MTCL1: variants seen among roughly 807,000 people sequenced by gnomAD.
MTCL1 encodes microtubule crosslinking factor 1, also known as microtubule cross-linking factor 1.
In MTCL1, 79 loss-of-function variants were observed where a neutral mutation model predicts 141.4. The ratio of observed to expected loss-of-function variants is 0.56; its 90% CI spans 0.47 to 0.67. The LOEUF (loss-of-function observed/expected upper bound fraction) is 0.67. MTCL1 is among the 30% of genes least tolerant of loss of function. The probability of loss-of-function intolerance (pLI) is 0.00; values close to 1 mark genes in which losing one functional copy is unlikely to be tolerated. For missense variants in MTCL1, 2,177 were observed against 2,113.9 expected (o/e 1.03, Z -0.59); for synonymous variants, 914 against 875.8 (o/e 1.04, Z -0.77).
exon 6 of MTCL1, chr18:8,784,830 G>T: frequency 2.5e-6 from 4 of 1,596,046 alleles, no homozygotes; most frequent in Non-Finnish European, 3.4e-6. Flanking sequence ...AAGGAGCTGG[G>T]CCCAGACTTG....
At chr18:8,718,392 G>T (rs779200268) in intron 2 of MTCL1, 32 bp from the exon 2 acceptor site, 26 of 1,598,314 alleles carry the variant, frequency 1.6e-5, no homozygotes, top group Non-Finnish European at 2.1e-5. Flanking sequence ...GATGTACTTG[G>T]CTCATAAATC....
intron 4 of MTCL1, among the ~76,000 whole-genome samples, chr18:8,739,534 TCAA>T (rs1239635370): frequency 3.3e-5 from 5 of 152,184 alleles, no homozygotes; most frequent in Admixed American, 6.5e-5. Flanking sequence ...CTTTCAGAGA[TCAA>T]CAACAACATC....
intron 12 of MTCL1, among the ~76,000 whole-genome samples, chr18:8,816,367 G>A (rs2076654990): frequency 6.6e-6 from 1 of 152,164 alleles, no homozygotes; most frequent in Admixed American, 6.5e-5. Context: ...CTTCATACTT[G>A]TCCGCTGTCA....
chr18:8,719,021 T>C (rs959441699), intron 3 of MTCL1, among the ~76,000 whole-genome samples: 1 of 152,130 alleles, frequency 6.6e-6, no homozygotes, highest in African/African-American at 2.4e-5. Flanking sequence ...ATCATATCAC[T>C]TAACATTTTT....
intron 10 of MTCL1, among the ~76,000 whole-genome samples, chr18:8,802,867 A>G (rs2076168035): frequency 6.6e-6 from 1 of 152,180 alleles, no homozygotes; most frequent in Non-Finnish European, 1.5e-5. Context: ...TGTACAAGCT[A>G]AAAGGTTGCA....
At chr18:8,820,382 C>T (rs1055454263) in intron 13 of MTCL1, among the ~76,000 whole-genome samples, 2 of 151,986 alleles carry the variant, frequency 1.3e-5, no homozygotes, top group African/African-American at 4.8e-5. Flanking sequence ...TGCACTCCAG[C>T]CTGGGCGACA....
At chr18:8,744,161 C>T (rs2096321489) in intron 4 of MTCL1, among the ~76,000 whole-genome samples, 2 of 152,234 alleles carry the variant, frequency 1.3e-5, no homozygotes, top group Non-Finnish European at 2.9e-5. Context: ...AGAGCTGAGT[C>T]TCACAGCTGT....
chr18:8,734,528 A>G (rs147703697), intron 4 of MTCL1, among the ~76,000 whole-genome samples: 3 of 152,192 alleles, frequency 2.0e-5, no homozygotes, highest in Non-Finnish European at 2.9e-5. Context: ...GATGGGTAGA[A>G]GGTGATACCC....
At chr18:8,787,496 C>T (rs924383697) in intron 7 of MTCL1, among the ~76,000 whole-genome samples, 11 of 152,396 alleles carry the variant, frequency 7.2e-5, no homozygotes, top group African/African-American at 2.2e-4. Flanking sequence ...AGTAGTGGGA[C>T]GGCTCTGCAC....
At chr18:8,721,442 A>C (rs1294049507) in intron 4 of MTCL1, among the ~76,000 whole-genome samples, 2 of 140,552 alleles carry the variant, frequency 1.4e-5, no homozygotes, top group African/African-American at 4.9e-5. Flanking sequence ...AGGCCCACAG[A>C]TAACAAAACA....
chr18:8,812,912 C>G (rs1418386379), intron 11 of MTCL1, 67 bp from the exon 11 acceptor site: 2 of 1,547,362 alleles, frequency 1.3e-6, no homozygotes, highest in Non-Finnish European at 1.7e-6. Context: ...TGTAAATGTG[C>G]TGAGACTTCA....
intron 4 of MTCL1, among the ~76,000 whole-genome samples, chr18:8,769,539 A>G (rs993794483): frequency 1.3e-5 from 2 of 152,256 alleles, no homozygotes; most frequent in Non-Finnish European, 2.9e-5. Flanking sequence ...AAAGGTTAAA[A>G]TGAGCCAACC....
chr18:8,826,148 GA>G lies in MTCL1; in HGVS notation c.4639del (p.Arg1547GlyfsTer34). ...TGCTGGAACATGCCTTAAAGGAGGA[GA>G]GGAGGCAGGCTGCCCACGGGCCCCC... On this transcript the variant is annotated frameshift_variant, in exon 15 of 17. Coordinates refer to ENST00000359865, the Ensembl canonical transcript of MTCL1. LOFTEE classifies it high-confidence loss of function. The G allele has an allele frequency of 6.2e-7, 1 of 1,613,432 alleles. No homozygotes were observed. Among genetic ancestry groups the G allele is most frequent in the East Asian group, 2.2e-5 (1 of 44,864 alleles).
rs1194807338 is a variant in MTCL1 at position 8,746,391 on chromosome 18, ACT to A, written c.357+25898_357+25899del. ...TTCCAATTTCTCCACATCCTTGCCA[ACT>A]CTGGTTATTTTTTGTTCGGTTGTGA... On this transcript the variant is annotated intron_variant, in intron 4 of 16. Transcript: ENST00000359865. Among the ~76,000 whole-genome samples the A allele has an allele frequency of 2.6e-4, 40 of 152,194 alleles. 1 individual carries two copies. Among genetic ancestry groups the A allele is most frequent in the African/African-American group, 9.6e-4 (40 of 41,504 alleles).
chr18:8,779,835 T>C lies in MTCL1; in HGVS notation c.417+1943T>C, dbSNP rs2096526820. Among the ~76,000 whole-genome samples the C allele has an allele frequency of 1.3e-5, 2 of 152,176 alleles. No homozygotes were observed. The highest frequency in any genetic ancestry group is 2.9e-5 in the Non-Finnish European group (2 of 68,038). On this transcript the variant is annotated intron_variant, in intron 5 of 16. Coordinates refer to ENST00000359865, the Ensembl canonical transcript of MTCL1. This position sits in a 1 kb window ranked among gnomAD's most constrained non-coding sequence, Gnocchi z 4.1. The stretch of plus-strand genomic sequence containing the variant: ...GAAGACGTTTTGGACATTTTATCAA[T>C]CCTCAGGTAATCTACAAATTGACCC...
intron 4 of MTCL1, among the ~76,000 whole-genome samples, chr18:8,722,879 A>G (rs188731291): frequency 8.1e-4 from 123 of 152,354 alleles, no homozygotes; most frequent in African/African-American, 3.0e-3. Flanking sequence ...ATTCTGTTGC[A>G]TACATTTAAA....
chr18:8,754,799 T>C (rs189013391), intron 4 of MTCL1, among the ~76,000 whole-genome samples: 4 of 152,324 alleles, frequency 2.6e-5, no homozygotes, highest in Admixed American at 2.6e-4. Flanking sequence ...GGTCCCTGTC[T>C]CTCTGATGTA....
intron 11 of MTCL1, among the ~76,000 whole-genome samples, chr18:8,812,537 A>G (rs1424469320): frequency 6.6e-6 from 1 of 152,166 alleles, no homozygotes; most frequent in Non-Finnish European, 1.5e-5. Context: ...CACAGGTTTG[A>G]GTACATAAGA....
At chr18:8,732,012 A>G in intron 4 of MTCL1, among the ~76,000 whole-genome samples, 1 of 152,132 alleles carries the variant, frequency 6.6e-6, no homozygotes, top group East Asian at 1.9e-4. Flanking sequence ...TCCCGCCTCA[A>G]AATTTGTATT....
Sources: allele counts gnomAD v4.1 joint callset (sites outside exome capture counted in the v4.1 genomes callset), GRCh38; gene constraint gnomAD v4.1.1; non-coding constraint Gnocchi (gnomAD v3.1); transcripts MANE v1.5; gene names NCBI Gene and HGNC (gene_info 2026-07-23, HGNC 2026-07-21).